RP1L1: variants seen among roughly 807,000 people sequenced by gnomAD.
RP1L1 encodes the protein retinitis pigmentosa 1-like 1 protein.
A neutral mutation model predicts 15.7 loss-of-function variants in RP1L1; 27 were observed. The ratio of observed to expected loss-of-function variants is 1.72; its 90% CI spans 1.27 to 2.38. RP1L1 has a LOEUF of 2.38. Among genes scored for constraint, RP1L1 ranks in the 30% most tolerant of loss-of-function variants. The pLI, the probability that RP1L1 is intolerant of heterozygous loss-of-function variation, is 0.00. For synonymous variants in RP1L1, 1,813 were observed against 1,276.7 expected, an observed-to-expected ratio of 1.42 and a Z score of -8.96; for missense variants, 4,798 against 3,075.9, an observed-to-expected ratio of 1.56 and a Z score of -13.24.
In RP1L1 at chr8:10,607,225, C is replaced by T. The variant is rs1403619895; in HGVS notation, c.6873G>A (p.Arg2291=). The change falls in exon 4 of 4, where the codon AGG becomes AGA. Residue 2291 remains arginine (R), a synonymous_variant. Coordinates refer to ENST00000382483, the MANE Select transcript of RP1L1 (RefSeq NM_178857.6). ...PSPGGDTPHQ[R]PGSQTGPSSS... Reference sequence around the variant, plus strand: ...AGGAAGGGCCTGTTTGGGAGCCTGGCCTTTGGTGGGGAGTGTCTCCACCTG... The same window carrying T: ...AGGAAGGGCCTGTTTGGGAGCCTGGTCTTTGGTGGGGAGTGTCTCCACCTG... 1.9e-6 allele frequency: 3 copies of T among 1,614,136 alleles called. No homozygotes were observed. In the Admixed American group the frequency reaches 5.0e-5, roughly 27 times the overall value.
intron 1 of RP1L1, among the ~76,000 whole-genome samples, chr8:10,644,916 G>C (rs1416472760): frequency 2.0e-5 from 3 of 152,212 alleles, no homozygotes; most frequent in Non-Finnish European, 4.4e-5. Flanking sequence ...ATTCAGTCAC[G>C]TGATTTACTT....
In RP1L1 at chr8:10,642,559, G is replaced by A. The variant is rs892561555; in HGVS notation, c.-20+12339C>T. ...GCACTCAGATGCCAATGATCACAGA[G>A]ACATCATAGCAGCCCTGGACTGCCT... On this transcript the variant is annotated intron_variant, in intron 1 of 3. Coordinates refer to ENST00000382483, the MANE Select transcript of RP1L1 (RefSeq NM_178857.6). Among the ~76,000 whole-genome samples, 7 of 152,314 alleles carry A rather than the reference G, an allele frequency of 4.6e-5. 1 individual carries two copies. The South Asian group carries it at 1.5e-3, about 32-fold the overall frequency.
chr8:10,616,173 G>A (rs967849552), intron 3 of RP1L1, among the ~76,000 whole-genome samples: 24 of 151,934 alleles, frequency 1.6e-4, no homozygotes, highest in African/African-American at 4.1e-4. Context: ...GCCCCCAAAC[G>A]GCTGGAATTA....
rs182665162 is a variant in RP1L1 at position 10,651,423 on chromosome 8, A to G, written c.-20+3475T>C. ...TACAGCAAATTGATGCTAAACTAAA[A>G]AATAGAAATAAAAGCTATGCTCGGG... On this transcript the variant is annotated intron_variant, in intron 1 of 3. Transcript: ENST00000382483. Among the ~76,000 whole-genome samples the G allele has an allele frequency of 1.6e-4, 25 of 152,296 alleles. No individual in the cohort carries two copies. In the East Asian group the frequency reaches 4.8e-3, roughly 29 times the overall value.
chr8:10,612,686 CAGG>C lies in RP1L1; in HGVS notation c.1409_1411del (p.Ser470del), dbSNP rs759945037. 6 of 1,602,866 alleles carry C rather than the reference CAGG, an allele frequency of 3.7e-6. No individual in the cohort carries two copies. The Admixed American group carries it at 1.0e-4, about 27-fold the overall frequency. On this transcript the variant is annotated inframe_deletion, in exon 4 of 4. Coordinates refer to ENST00000382483, the MANE Select transcript of RP1L1 (RefSeq NM_178857.6). Reference sequence around the variant, plus strand: ...CCCGTCCTCCGGGGTCCTGGGGCAGCAGGAGGACTCTGGCTCCGAGCCCTCGGG... The same window carrying C: ...CCCGTCCTCCGGGGTCCTGGGGCAGCAGGACTCTGGCTCCGAGCCCTCGGG...
In RP1L1 at chr8:10,612,769, G is replaced by A. The variant is rs767007065; in HGVS notation, c.1329C>T (p.Ala443=). Residue 443 remains alanine, a synonymous_variant, in exon 4 of 4, where the codon GCC becomes GCT. Transcript: ENST00000382483. Reference sequence around the variant, plus strand: ...TGTCCTGGCTGCATCTCTCCCTCCCGGCAGTCCCGTGGCCCCACAGGCCAC... The same window carrying A: ...TGTCCTGGCTGCATCTCTCCCTCCCAGCAGTCCCGTGGCCCCACAGGCCAC... The part of the protein sequence containing the change: ...RCSGLWGHGT[A]GRERCSQDSA... The A allele has an allele frequency of 1.6e-5, 26 of 1,609,262 alleles. 1 individual carries two copies. The Middle Eastern group carries it at 4.9e-4, about 31-fold the overall frequency.
At chr8:10,634,756 C>T (rs1798303927) in intron 1 of RP1L1, among the ~76,000 whole-genome samples, 1 of 152,148 alleles carries the variant, frequency 6.6e-6, no homozygotes, top group African/African-American at 2.4e-5. Context: ...CACACAGAAC[C>T]CACCAGCCCC....
At chr8:10,634,891 G>C (rs754543534) in intron 1 of RP1L1, among the ~76,000 whole-genome samples, 54 of 152,114 alleles carry the variant, frequency 3.5e-4, no homozygotes, top group Non-Finnish European at 7.1e-4. Context: ...AAGGGTCCTT[G>C]CCCCTCCAGT....
At position 10,612,041 on chromosome 8, in the gene RP1L1, ACTTG is replaced by A. The variant is rs1797868307; in HGVS notation, c.2053_2056del (p.Gln685CysfsTer34). ...CCTTCGCCGCTCAGGAGGCCTCGGC[ACTTG>A]CTTGGTTACAGAGGAGTCCAGTGGG... is the stretch of plus-strand genomic sequence containing the variant. On this transcript the variant is annotated frameshift_variant, in exon 4 of 4. Coordinates refer to ENST00000382483, the MANE Select transcript of RP1L1 (RefSeq NM_178857.6). LOFTEE classifies it low-confidence loss of function (END_TRUNC). 3 of 1,613,812 alleles carry A rather than the reference ACTTG, an allele frequency of 1.9e-6. No homozygotes were observed. The highest frequency in any genetic ancestry group is 2.5e-6 in the Non-Finnish European group (3 of 1,180,008).
At chr8:10,619,489 A>G (rs1233642019) in intron 2 of RP1L1, among the ~76,000 whole-genome samples, 1 of 151,838 alleles carries the variant, frequency 6.6e-6, no homozygotes, top group African/African-American at 2.4e-5. Flanking sequence ...CCCAAAACTC[A>G]CCTTCCTCAT....
Position 10,616,476 on chromosome 8 carries a change from A to C in RP1L1, c.721T>G (p.Leu241Val). Reference sequence around the variant, plus strand: ...TTGTTTCTTGAAGTCAGCCCAGATAAAGTTTCAGCCTCGCTTCTCCTGGCA... The same window carrying C: ...TTGTTTCTTGAAGTCAGCCCAGATACAGTTTCAGCCTCGCTTCTCCTGGCA... ...KNARRSEAET[L>V]SGLTSRNKNG... Residue 241 changes from leucine (L) to valine (V), a missense_variant, in exon 3 of 4, where the codon TTA (leucine) becomes GTA (valine). Coordinates refer to ENST00000382483, the MANE Select transcript of RP1L1 (RefSeq NM_178857.6). 1.2e-6 allele frequency: 2 copies of C among 1,614,206 alleles called. No individual in the cohort carries two copies. Among genetic ancestry groups the C allele is most frequent in the Non-Finnish European group, 1.7e-6 (2 of 1,180,038 alleles).
chr8:10,617,975 G>C (rs1585975540), intron 2 of RP1L1, among the ~76,000 whole-genome samples: 1 of 152,150 alleles, frequency 6.6e-6, no homozygotes, highest in African/African-American at 2.4e-5. Context: ...TCATTTGTCT[G>C]TTTATGTGGC....
At position 10,607,491 on chromosome 8, in the gene RP1L1, C is replaced by T. The variant is rs1797725889; in HGVS notation, c.6607G>A (p.Gly2203Arg). The T allele has an allele frequency of 4.3e-6, 7 of 1,609,594 alleles. No homozygotes were observed. Among genetic ancestry groups the T allele is most frequent in the Non-Finnish European group, 4.2e-6 (5 of 1,177,030 alleles). Residue 2203 changes from glycine to arginine, a missense_variant, in exon 4 of 4, where the codon GGG becomes AGG. Physicochemically the swap from Gly to Arg is moderately radical, Grantham distance 125. Transcript: ENST00000382483. ...CCTTCTAACTCTGGTTGGGCCTCCC[C>T]TTCTGCCTCTGGGGCCTCTATACCT... ...SEGIEAPEAEGEAQPELEGVE... is the reference protein window; with the variant it reads ...SEGIEAPEAEREAQPELEGVE...
At position 10,609,353 on chromosome 8, in the gene RP1L1, C is replaced by A. The variant is rs755207488; in HGVS notation, c.4745G>T (p.Arg1582Leu). Residue 1582 changes from arginine (R) to leucine (L), a missense_variant, in exon 4 of 4, where the codon CGG (arginine) becomes CTG (leucine). Arg to Leu is a moderately radical substitution (Grantham distance 102). Transcript: ENST00000382483. ...TKRELQKLQG[R>L]AGRMVLEPPR... ...AGGCTCCAGCACCATCCTACCCGCC[C>A]GGCCCTGGAGCTTCTGGAGCTCTCT... The A allele has an allele frequency of 5.6e-6, 9 of 1,612,278 alleles. No homozygotes were observed. Among genetic ancestry groups the A allele is most frequent in the Non-Finnish European group, 7.6e-6 (9 of 1,179,888 alleles).
chr8:10,613,598 TCCA>T (rs1357773140), intron 3 of RP1L1, among the ~76,000 whole-genome samples: 505 of 38,670 alleles, frequency 0.013, 24 homozygotes, highest in Middle Eastern at 0.067. Context: ...ACACCATCTC[TCCA>T]AAAAAAAAAA....
chr8:10,642,591 T>C (rs1033611773), intron 1 of RP1L1, among the ~76,000 whole-genome samples: 1 of 152,218 alleles, frequency 6.6e-6, no homozygotes, highest in African/African-American at 2.4e-5. Flanking sequence ...GCCTCTGAAT[T>C]TCTTGTTTAA....
Position 10,651,455 on chromosome 8 carries a change from G to A in RP1L1, c.-20+3443C>T, listed in dbSNP as rs902026092. The stretch of plus-strand genomic sequence containing the variant: ...AATAAAAGCTATGCTCGGGCCGGGC[G>A]CAGTGGCTAACGTCTGTAATCCCAG... On this transcript the variant is annotated intron_variant, in intron 1 of 3. Transcript: ENST00000382483. Among the ~76,000 whole-genome samples the A allele has an allele frequency of 3.9e-5, 6 of 152,170 alleles. No homozygotes were observed. The East Asian group carries it at 5.8e-4, about 15-fold the overall frequency.
intron 1 of RP1L1, among the ~76,000 whole-genome samples, chr8:10,653,074 G>A (rs1798586130): frequency 6.6e-6 from 1 of 152,166 alleles, no homozygotes; most frequent in Admixed American, 6.5e-5. Context: ...CCTCCAGCAA[G>A]CCACAGAGTG....
At position 10,607,386 on chromosome 8, in the gene RP1L1, G is replaced by A. The variant is rs533811713; in HGVS notation, c.6712C>T (p.Gln2238Ter). 5 of 1,605,250 alleles carry A rather than the reference G, an allele frequency of 3.1e-6. No individual in the cohort carries two copies. In the East Asian group the frequency reaches 6.8e-5, roughly 22 times the overall value. The change falls in exon 4 of 4, where the codon CAG (glutamine) becomes TAG (stop). Residue 2238 changes from glutamine (Q) to a stop codon, truncating the protein, a stop_gained. Coordinates refer to ENST00000382483, the MANE Select transcript of RP1L1 (RefSeq NM_178857.6). LOFTEE classifies it low-confidence loss of function (END_TRUNC). ...TGAGTTTCTCCTTCTGACTCTGGCT[G>A]GGCCTCCCCTTCAGCCTCCGGGGTC... is the stretch of plus-strand genomic sequence containing the variant. ...VETPEAEGEA[Q>*]PESEGETQGE... is the part of the protein sequence containing the mutation.
Sources: allele counts gnomAD v4.1 joint callset (sites outside exome capture counted in the v4.1 genomes callset), GRCh38; gene constraint gnomAD v4.1.1; transcripts MANE v1.5; gene names NCBI Gene and HGNC (gene_info 2026-07-23, HGNC 2026-07-21).